Variants in PTPRD observed in about 807,000 individuals in gnomAD.
PTPRD encodes receptor-type tyrosine-protein phosphatase delta.
A neutral mutation model predicts 214.5 loss-of-function variants in PTPRD; 34 were observed. The ratio of observed to expected loss-of-function variants is 0.16; its 90% CI spans 0.12 to 0.21. The LOEUF (loss-of-function observed/expected upper bound fraction) is 0.21. Among genes scored for constraint, PTPRD ranks in the 10% least tolerant of loss-of-function variants. The probability of loss-of-function intolerance (pLI) is 1.00; values close to 1 mark genes in which losing one functional copy is unlikely to be tolerated. For missense variants in PTPRD, 2,545 were observed against 2,398.7 expected, an observed-to-expected ratio of 1.06 and a Z score of -1.27; for synonymous variants, 1,128 against 845.7, an observed-to-expected ratio of 1.33 and a Z score of -5.79.
chr9:9,755,427 T>C (rs970862014), intron 6 of PTPRD, among the ~76,000 whole-genome samples: 3 of 152,100 alleles, frequency 2.0e-5, no homozygotes, highest in African/African-American at 7.2e-5. Flanking sequence ...GGGTAGATTG[T>C]ATTTTTGGAA....
chr9:9,941,782 T>G (rs967744316), intron 4 of PTPRD, among the ~76,000 whole-genome samples: 1 of 152,170 alleles, frequency 6.6e-6, no homozygotes, highest in Non-Finnish European at 1.5e-5. Context: ...CCAGTCACTT[T>G]TGTAACTTTT....
intron 37 of PTPRD, among the ~76,000 whole-genome samples, chr9:8,384,745 C>G (rs1303365556): frequency 6.6e-6 from 1 of 152,104 alleles, no homozygotes; most frequent in East Asian, 1.9e-4. Context: ...ACGCTGGTCT[C>G]GAACTCCTGA....
chr9:10,047,795 A>G (rs1012941120), intron 3 of PTPRD, among the ~76,000 whole-genome samples: 6 of 152,294 alleles, frequency 3.9e-5, no homozygotes, highest in African/African-American at 7.2e-5. Flanking sequence ...TGACTCAGAC[A>G]TAATTATTTC....
chr9:9,939,048 T>A (rs1367832975), intron 4 of PTPRD, among the ~76,000 whole-genome samples: 2 of 151,626 alleles, frequency 1.3e-5, no homozygotes, highest in Admixed American at 6.6e-5. Flanking sequence ...GGAATCTCAG[T>A]AGGAAACAGA....
chr9:8,735,160 T>G (rs1598326438), intron 11 of PTPRD, among the ~76,000 whole-genome samples: 2 of 148,070 alleles, frequency 1.4e-5, no homozygotes, highest in African/African-American at 5.0e-5. Context: ...CTGTTTTTTT[T>G]TTTGAGACAG....
At chr9:10,419,481 T>C (rs1199243629) in intron 2 of PTPRD, among the ~76,000 whole-genome samples, 1 of 151,854 alleles carries the variant, frequency 6.6e-6, no homozygotes, top group East Asian at 1.9e-4. Flanking sequence ...AAGACTGAGA[T>C]AAAGATAAAA....
chr9:9,914,581 C>G (rs562110901), intron 5 of PTPRD, among the ~76,000 whole-genome samples: 1 of 152,166 alleles, frequency 6.6e-6, no homozygotes, highest in African/African-American at 2.4e-5. Context: ...GCTGGCTGAA[C>G]AGCTGAGGGC....
chr9:10,174,639 T>G (rs1251320732), intron 3 of PTPRD, among the ~76,000 whole-genome samples: 1 of 151,984 alleles, frequency 6.6e-6, no homozygotes, highest in Admixed American at 6.6e-5. Flanking sequence ...TTTTTTACAT[T>G]TTGAAGTAGT....
At chr9:9,659,601 T>C (rs528505179) in intron 7 of PTPRD, among the ~76,000 whole-genome samples, 39 of 152,064 alleles carry the variant, frequency 2.6e-4, no homozygotes, top group African/African-American at 9.4e-4. Flanking sequence ...GTTAATGATA[T>C]ACAAAATACC....
chr9:10,587,311 T>C (rs560308585), intron 2 of PTPRD, among the ~76,000 whole-genome samples: 19 of 152,238 alleles, frequency 1.2e-4, no homozygotes, highest in African/African-American at 4.3e-4. Flanking sequence ...AACTATCGTC[T>C]GGATAAAATT....
At chr9:8,426,355 C>T (rs991464747) in intron 35 of PTPRD, among the ~76,000 whole-genome samples, 1 of 152,146 alleles carries the variant, frequency 6.6e-6, no homozygotes, top group Non-Finnish European at 1.5e-5. Flanking sequence ...CAAGGCCCTC[C>T]CCAGCATCCA....
At chr9:9,438,681 T>C (rs1029358798) in intron 8 of PTPRD, among the ~76,000 whole-genome samples, 6 of 152,186 alleles carry the variant, frequency 3.9e-5, no homozygotes, top group Non-Finnish European at 8.8e-5. Flanking sequence ...TATTATGAAT[T>C]AGTATTTAAA....
At chr9:9,076,183 G>T (rs1199565964) in intron 10 of PTPRD, among the ~76,000 whole-genome samples, 3 of 152,080 alleles carry the variant, frequency 2.0e-5, no homozygotes, top group Non-Finnish European at 4.4e-5. Flanking sequence ...ATTTTTTCAT[G>T]TGTCTGTTGG....
At chr9:9,770,027 G>C (rs2098739501) in intron 5 of PTPRD, among the ~76,000 whole-genome samples, 1 of 152,094 alleles carries the variant, frequency 6.6e-6, no homozygotes, top group Non-Finnish European at 1.5e-5. Flanking sequence ...ATTTGGGTTG[G>C]TCCCAAGTCT....
At chr9:8,565,423 C>T (rs996563814) in intron 14 of PTPRD, among the ~76,000 whole-genome samples, 2 of 152,124 alleles carry the variant, frequency 1.3e-5, no homozygotes, top group African/African-American at 2.4e-5. Context: ...CATTTGTTAT[C>T]AAATACTAAA....
At chr9:9,372,514 C>T (rs1469452575) in intron 9 of PTPRD, among the ~76,000 whole-genome samples, 2 of 152,154 alleles carry the variant, frequency 1.3e-5, no homozygotes, top group Non-Finnish European at 1.5e-5. Context: ...TGTCTCTGCA[C>T]ATGAGATGGG....
chr9:8,692,809 A>G (rs1005449524), intron 12 of PTPRD, among the ~76,000 whole-genome samples: 1 of 152,226 alleles, frequency 6.6e-6, no homozygotes, highest in African/African-American at 2.4e-5. Flanking sequence ...AAATTTTCAA[A>G]AAGAAACACA....
At chr9:10,147,805 G>A (rs536264635) in intron 3 of PTPRD, among the ~76,000 whole-genome samples, 4 of 152,122 alleles carry the variant, frequency 2.6e-5, no homozygotes, top group African/African-American at 7.2e-5. Context: ...GCTTGAACCC[G>A]GGAGGCGGAG....
chr9:8,693,267 G>C lies in PTPRD; in HGVS notation c.64+40513C>G, dbSNP rs147570732. ...TCCTGAAACCTTACTCAGTTGAGTAGTGGAACACCTCATCTTCTTGTCTCC... is the reference window on the plus strand; with the variant it reads ...TCCTGAAACCTTACTCAGTTGAGTACTGGAACACCTCATCTTCTTGTCTCC... On this transcript the variant is annotated intron_variant, in intron 12 of 45. Coordinates refer to ENST00000381196, the MANE Select transcript of PTPRD (RefSeq NM_002839.4). Among the ~76,000 whole-genome samples the C allele has an allele frequency of 4.8e-3, 733 of 152,254 alleles. 6 individuals carry two copies. Among genetic ancestry groups the C allele is most frequent in the Non-Finnish European group, 7.8e-3 (533 of 68,016 alleles).
Sources: gnomAD v4.1 joint callset for allele counts (sites outside exome capture counted in the v4.1 genomes callset) on GRCh38, gnomAD v4.1.1 for gene constraint, MANE v1.5 for transcripts, NCBI Gene and HGNC (gene_info 2026-07-23, HGNC 2026-07-21) for gene names.